The following TTN variants were observed in gnomAD, a reference collection of about 807,000 sequenced individuals.
TTN encodes the protein connectin.
A neutral mutation model predicts 3,223.0 loss-of-function variants in TTN; 1,525 were observed. The observed-to-expected ratio is 0.47, with a 90% CI of 0.45 to 0.49. The LOEUF is 0.49. Ranked by LOEUF, TTN falls within the 20% of genes least tolerant of loss-of-function variation. The probability of loss-of-function intolerance (pLI) is 0.00; values close to 1 mark genes in which losing one functional copy is unlikely to be tolerated. For synonymous variants in TTN, 14,094 were observed against 15,161.0 expected (o/e 0.93, Z 5.17); for missense variants, 40,786 against 43,424.0 (o/e 0.94, Z 5.40).
intron 149 of TTN, 81 bp from the exon 150 acceptor site, chr2:178,675,194 TAA>T (rs2067788121): frequency 1.2e-6 from 1 of 869,422 alleles, no homozygotes; most frequent in Non-Finnish European, 1.8e-6. Flanking sequence ...GTTTCCAACA[TAA>T]GAGAGTAAAT....
chr2:178,589,836 G>T lies in TTN; in HGVS notation c.61889C>A (p.Ala20630Asp). The T allele has an allele frequency of 6.2e-7, 1 of 1,613,472 alleles. No individual in the cohort carries two copies. Among genetic ancestry groups the T allele is most frequent in the Non-Finnish European group, 8.5e-7 (1 of 1,179,590 alleles). Residue 20630 changes from alanine to aspartate, a missense_variant, in exon 304 of 363, where the codon GCC becomes GAC. Transcript: ENST00000589042. ...ASDVTKRLIK[A>D]NLLANNEYYF... is the part of the protein sequence containing the mutation. ...GTATTCATTGTTGGCTAAAAGGTTGGCCTTGATTAATCGTTTAGTGACATC... is the reference window on the plus strand; with the variant it reads ...GTATTCATTGTTGGCTAAAAGGTTGTCCTTGATTAATCGTTTAGTGACATC...
intron 13 of TTN, among the ~76,000 whole-genome samples, chr2:178,787,263 A>G (rs1431814700): frequency 6.6e-6 from 1 of 152,106 alleles, no homozygotes; most frequent in Non-Finnish European, 1.5e-5. Context: ...GTCTTTAGTG[A>G]TCATGGGCTT....
In TTN at chr2:178,559,466, T is replaced by G; in HGVS notation, c.86666A>C (p.Lys28889Thr). ...GTTGGTCACAGAGACCCATGCTTTCTTGCTGGCCTCACGTTTTTCTATGTG... is the reference window on the plus strand; with the variant it reads ...GTTGGTCACAGAGACCCATGCTTTCGTGCTGGCCTCACGTTTTTCTATGTG... ...NYHIEKREAS[K>T]KAWVSVTNNC... is the part of the protein sequence containing the mutation. The change falls in exon 326 of 363, where the codon AAG becomes ACG. Residue 28889 changes from lysine to threonine, a missense_variant. Transcript: ENST00000589042. 6.2e-7 allele frequency: 1 copy of G among 1,613,756 alleles called. No individual in the cohort carries two copies. Among genetic ancestry groups the G allele is most frequent in the Non-Finnish European group, 8.5e-7 (1 of 1,179,740 alleles).
chr2:178,739,992 A>C lies in TTN; in HGVS notation c.13241T>G (p.Leu4414Arg). 1 of 1,613,926 alleles carries C rather than the reference A, an allele frequency of 6.2e-7. No individual in the cohort carries two copies. The highest frequency in any genetic ancestry group is 8.5e-7 in the Non-Finnish European group (1 of 1,179,844). ...QAAVASEQPG[L>R]FSEWLRNIEK... ...AATATTTCTTAGCCACTCAGAGAAA[A>C]GACCTGGCTGCTCGCTGGCCACGGC... Residue 4414 changes from leucine to arginine, a missense_variant, in exon 48 of 363, where the codon CTT becomes CGT. Coordinates refer to ENST00000589042, the MANE Select transcript of TTN (RefSeq NM_001267550.2).
At chr2:178,664,324 AT>A in intron 168 of TTN, 135 bp downstream of exon 168, 1 of 806,972 alleles carries the variant, frequency 1.2e-6, no homozygotes, top group Non-Finnish European at 2.0e-6. Flanking sequence ...ATATTAATAC[AT>A]TTACACTTGA....
intron 244 of TTN, 31 bp downstream of exon 244, chr2:178,621,807 CAT>C (rs1284376150): frequency 6.2e-7 from 1 of 1,610,790 alleles, no homozygotes. Context: ...TTTCCCAACA[CAT>C]ATACTTCACA....
chr2:178,674,170 G>T, intron 151 of TTN, 144 bp downstream of exon 151: 1 of 603,482 alleles, frequency 1.7e-6, no homozygotes, highest in Non-Finnish European at 3.0e-6. Flanking sequence ...AGGACACATA[G>T]ATTCAGGTGC....
chr2:178,671,343 T>A (rs541991240), intron 155 of TTN, among the ~76,000 whole-genome samples, 173 bp from the exon 156 acceptor site: 2 of 151,730 alleles, frequency 1.3e-5, no homozygotes. Context: ...TATATTGTAA[T>A]TTGCTATATA....
At position 178,664,514 on chromosome 2, in the gene TTN, C is replaced by G. The variant is rs1560195626; in HGVS notation, c.36226G>C (p.Val12076Leu). Residue 12076 changes from valine to leucine, a missense_variant, in exon 168 of 363, where the codon GTC becomes CTC. By Grantham distance (32) the Val-to-Leu change is conservative. Coordinates refer to ENST00000589042, the MANE Select transcript of TTN (RefSeq NM_001267550.2). ...GGAGGATGCACTTTCTTTTCCGGGA[C>G]AACTTCTCTGAGAGCCTCCGGCACT... ...DEVPEALREV[V>L]PEKKVHPPQR... is the part of the protein sequence containing the mutation. The G allele has an allele frequency of 6.2e-7, 1 of 1,612,256 alleles. No homozygotes were observed. Among genetic ancestry groups the G allele is most frequent in the South Asian group, 1.1e-5 (1 of 91,018 alleles).
chr2:178,554,170 C>A lies in TTN; in HGVS notation c.88941G>T (p.Lys29647Asn), dbSNP rs368425375. 6 of 1,609,394 alleles carry A rather than the reference C, an allele frequency of 3.7e-6. No homozygotes were observed. The African/African-American group carries it at 8.0e-5, about 22-fold the overall frequency. The change falls in exon 333 of 363, where the codon AAG becomes AAT. Residue 29647 changes from lysine (K) to asparagine (N), a missense_variant. Coordinates refer to ENST00000589042, the MANE Select transcript of TTN (RefSeq NM_001267550.2). ...TGCTCCATACAACAGTCATCGAATTCTTGGTAATCTTTGTCACTTCTGGTA... is the reference window on the plus strand; with the variant it reads ...TGCTCCATACAACAGTCATCGAATTATTGGTAATCTTTGTCACTTCTGGTA... Reference protein sequence around the residue: ...PGIPEVTKITKNSMTVVWSRP... With the variant: ...PGIPEVTKITNNSMTVVWSRP...
Position 178,569,955 on chromosome 2 carries a change from G to A in TTN, c.76177C>T (p.Pro25393Ser), listed in dbSNP as rs1005590673. ...NAAGLSEPSPPSAYQKACDPI... is the reference protein window; with the variant it reads ...NAAGLSEPSPSSAYQKACDPI... ...TCACAAGCCTTTTGGTAAGCAGAAG[G>A]AGGGCTTGGTTCACTAAGTCCAGCA... The change falls in exon 326 of 363, where the codon CCT becomes TCT. Residue 25393 changes from proline (P) to serine (S), a missense_variant. Pro to Ser is a moderately conservative substitution (Grantham distance 74). Coordinates refer to ENST00000589042, the MANE Select transcript of TTN (RefSeq NM_001267550.2). 2 of 1,612,426 alleles carry A rather than the reference G, an allele frequency of 1.2e-6. No individual in the cohort carries two copies. The highest frequency in any genetic ancestry group is 3.3e-5 in the Admixed American group (2 of 59,920).
chr2:178,689,468 G>C, intron 123 of TTN, 47 bp downstream of exon 123: 1 of 1,601,598 alleles, frequency 6.2e-7, no homozygotes, highest in African/African-American at 1.3e-5. Context: ...CAATTAAAGA[G>C]GCTTGAAGGA....
In TTN at chr2:178,531,166, C is replaced by T. The variant is rs554953169; in HGVS notation, c.105449G>A (p.Cys35150Tyr). 59 of 1,614,018 alleles carry T rather than the reference C, an allele frequency of 3.7e-5. No homozygotes were observed. The South Asian group carries it at 3.7e-4, about 10-fold the overall frequency. The change falls in exon 358 of 363, where the codon TGT (cysteine) becomes TAT (tyrosine). Residue 35150 changes from cysteine to tyrosine, a missense_variant. Coordinates refer to ENST00000589042, the MANE Select transcript of TTN (RefSeq NM_001267550.2). ...VYEGESARFSCDTDGEPVPTV... is the reference protein window; with the variant it reads ...VYEGESARFSYDTDGEPVPTV... ...TGGTACCGGCTCACCATCGGTGTCA[C>T]AAGAAAACCTTGCAGACTCGCCCTC... is the stretch of plus-strand genomic sequence containing the variant.
chr2:178,678,102 G>A (rs2068509677), intron 145 of TTN, 23 bp downstream of exon 145: 1 of 1,599,912 alleles, frequency 6.3e-7, no homozygotes, highest in South Asian at 1.1e-5. Context: ...CTTTTACCAT[G>A]GCTCTGTTAC....
chr2:178,695,452 G>GT, intron 114 of TTN, 42 bp from the exon 115 acceptor site: 2 of 1,518,900 alleles, frequency 1.3e-6, no homozygotes, highest in East Asian at 4.5e-5. Flanking sequence ...GCTTAAATAG[G>GT]TAAGTTCTCT....
Position 178,568,496 on chromosome 2 carries a change from T to C in TTN, c.77636A>G (p.Lys25879Arg). ...GITVANVVGQ[K>R]TASIEIVTLD... is the part of the protein sequence containing the mutation. ...AGTTACAATTTCGATGGATGCTGTC[T>C]TCTGACCAACAACATTGGCAACTGT... The change falls in exon 326 of 363, where the codon AAG becomes AGG. Residue 25879 changes from lysine (K) to arginine (R), a missense_variant. Lys to Arg is a conservative substitution (Grantham distance 26). Transcript: ENST00000589042. 6.2e-7 allele frequency: 1 copy of C among 1,613,454 alleles called. No homozygotes were observed. The highest frequency in any genetic ancestry group is 8.5e-7 in the Non-Finnish European group (1 of 1,179,596).
chr2:178,619,333 T>C, intron 250 of TTN: 1 of 477,578 alleles, frequency 2.1e-6, no homozygotes, highest in Admixed American at 4.0e-5. Flanking sequence ...AGACCGTCTT[T>C]AGATTTGCCA....
At position 178,633,329 on chromosome 2, in the gene TTN, G is replaced by A; in HGVS notation, c.42947-3C>T. ...CTTTTCCACTTTTATTAGTCGAGCT[G>A]AAATGATACAGTTTTGTTAGCATGA... is the stretch of plus-strand genomic sequence containing the variant. On this transcript the variant is annotated splice_region_variant and splice_polypyrimidine_tract_variant and intron_variant, in intron 232 of 362. Transcript: ENST00000589042. 6.2e-7 allele frequency: 1 copy of A among 1,612,924 alleles called. No homozygotes were observed. Among genetic ancestry groups the A allele is most frequent in the Admixed American group, 1.7e-5 (1 of 59,924 alleles).
At chr2:178,536,632 C>CTTAT in intron 356 of TTN, 57 bp from the exon 357 acceptor site, 1 of 1,389,840 alleles carries the variant, frequency 7.2e-7, no homozygotes, top group Non-Finnish European at 9.5e-7. Flanking sequence ...TTTATTAAAG[C>CTTAT]TTATTTTTTT....
Sources: allele counts gnomAD v4.1 joint callset (sites outside exome capture counted in the v4.1 genomes callset), GRCh38; gene constraint gnomAD v4.1.1; transcripts MANE v1.5; gene names NCBI Gene and HGNC (gene_info 2026-07-23, HGNC 2026-07-21).